Variants in MVP observed in about 807,000 individuals in gnomAD.
MVP encodes lung resistance-related protein.
MVP carries 62 observed loss-of-function variants against 83.5 expected under a neutral mutation model. That is an observed-to-expected ratio of 0.74 (90% confidence interval 0.61 to 0.92). MVP has a LOEUF of 0.92. Among genes scored for constraint, MVP ranks in the 40% least tolerant of loss-of-function variants. The probability of loss-of-function intolerance (pLI) is 0.00; values close to 1 mark genes in which losing one functional copy is unlikely to be tolerated. For missense variants in MVP, 1,000 were observed against 1,203.4 expected (o/e 0.83, Z 2.50); for synonymous variants, 505 against 504.1 (o/e 1.00, Z -0.02).
intron 10 of MVP, among the ~76,000 whole-genome samples, chr16:29,843,547 AGGGAGGGAGGG>A (rs2067553084): frequency 9.5e-4 from 8 of 8,446 alleles, no homozygotes; most frequent in Admixed American, 5.9e-3. Context: ...GAAGGGAGGA[AGGGAGGGAGGG>A]AGGGAGGGAG....
Position 29,847,293 on chromosome 16 carries a change from G to C in MVP, c.2362G>C (p.Ala788Pro). 6.2e-7 allele frequency: 1 copy of C among 1,613,030 alleles called. No homozygotes were observed. Among genetic ancestry groups the C allele is most frequent in the Middle Eastern group, 1.7e-4 (1 of 6,052 alleles). The change falls in exon 14 of 15, where the codon GCT (alanine) becomes CCT (proline). Residue 788 changes from alanine (A) to proline (P), a missense_variant. By Grantham distance (27) the Ala-to-Pro change is conservative. Transcript: ENST00000357402. Reference protein sequence around the residue: ...ELEVSKAQQLAEVEVKKFKQM... With the variant: ...ELEVSKAQQLPEVEVKKFKQM... ...GGAGGTGAGCAAGGCTCAGCAGCTGGCTGAGGTGGAGGTGAAGAAGTTCAA... is the reference window on the plus strand; with the variant it reads ...GGAGGTGAGCAAGGCTCAGCAGCTGCCTGAGGTGGAGGTGAAGAAGTTCAA...
At position 29,826,694 on chromosome 16, in the gene MVP, G is replaced by A. The variant is rs568271003; in HGVS notation, c.-35-3821G>A. Among the ~76,000 whole-genome samples the A allele has an allele frequency of 2.3e-3, 350 of 151,466 alleles. 4 individuals carry two copies. Among genetic ancestry groups the A allele is most frequent in the Non-Finnish European group, 5.7e-4 (39 of 67,862 alleles). The stretch of plus-strand genomic sequence containing the variant: ...TCCTAGCACTTTGGGAGGCCGAGGC[G>A]GGTGGATCACAAGGTCAAGAGATCA... On this transcript the variant is annotated intron_variant, in intron 1 of 14. Coordinates refer to ENST00000357402, the MANE Select transcript of MVP (RefSeq NM_005115.5).
chr16:29,832,470 T>G (rs1259325578), intron 3 of MVP, among the ~76,000 whole-genome samples: 2 of 151,308 alleles, frequency 1.3e-5, no homozygotes, highest in Non-Finnish European at 1.5e-5. Flanking sequence ...GCTAACTTTT[T>G]GTGTTTTTAG....
At chr16:29,838,308 C>T (rs969080158) in intron 7 of MVP, among the ~76,000 whole-genome samples, 1 of 151,898 alleles carries the variant, frequency 6.6e-6, no homozygotes, top group African/African-American at 2.4e-5. Flanking sequence ...TGGTGTCAGG[C>T]ACCTGTAATC....
intron 1 of MVP, among the ~76,000 whole-genome samples, chr16:29,827,750 CA>C (rs1252197352): frequency 1.3e-5 from 2 of 151,424 alleles, no homozygotes; most frequent in South Asian, 4.2e-4. Flanking sequence ...CTTGTCTCTG[CA>C]AAAAAAATGA....
intron 1 of MVP, among the ~76,000 whole-genome samples, chr16:29,828,380 T>G (rs779475928): frequency 2.6e-5 from 4 of 152,006 alleles, no homozygotes; most frequent in Non-Finnish European, 4.4e-5. Flanking sequence ...GTAAAAGGGT[T>G]TTTTTGGTTT....
chr16:29,840,418 G>A lies in MVP; in HGVS notation c.1150G>A (p.Glu384Lys), dbSNP rs369258031. 1.8e-5 allele frequency: 29 copies of A among 1,581,782 alleles called. No homozygotes were observed. The highest frequency in any genetic ancestry group is 1.0e-4 in the South Asian group (9 of 86,806). Residue 384 changes from glutamate to lysine, a missense_variant, in exon 8 of 15, where the codon GAG becomes AAG. Physicochemically the swap from Glu to Lys is moderately conservative, Grantham distance 56 (BLOSUM62 1). Coordinates refer to ENST00000357402, the MANE Select transcript of MVP (RefSeq NM_005115.5). ...VEERQAIPLDENEGIYVQDVK... is the reference protein window; with the variant it reads ...VEERQAIPLDKNEGIYVQDVK... ...GGAGCGCCAGGCCATCCCTCTAGAC[G>A]AGAACGAGGGCATCTATGTGCAGGA...
In MVP at chr16:29,841,845, G is replaced by A; in HGVS notation, c.1436+5G>A. The A allele has an allele frequency of 6.2e-7, 1 of 1,609,220 alleles. No individual in the cohort carries two copies. The highest frequency in any genetic ancestry group is 8.5e-7 in the Non-Finnish European group (1 of 1,179,826). ...CTACCGAGAGAAGCGAGCCCGGTGA[G>A]TGCTGGCAGCGCAGGGTGTAGGGGG... On this transcript the variant is annotated splice_donor_5th_base_variant and intron_variant, in intron 9 of 14. Coordinates refer to ENST00000357402, the MANE Select transcript of MVP (RefSeq NM_005115.5). The surrounding 1 kb of genome is among the most constrained non-coding windows in gnomAD (Gnocchi z 4.7).
chr16:29,821,336 G>A (rs528844233), intron 1 of MVP: 2 of 152,370 alleles, frequency 1.3e-5, no homozygotes, highest in East Asian at 1.9e-4. Flanking sequence ...GCACTGGGTC[G>A]GCCCTCGGGT....
intron 1 of MVP, among the ~76,000 whole-genome samples, chr16:29,823,466 G>A (rs1386538610): frequency 1.3e-5 from 2 of 152,016 alleles, no homozygotes; most frequent in African/African-American, 2.4e-5. Context: ...GGAGAGGAAG[G>A]CTCAGAGGCT....
Position 29,841,949 on chromosome 16 carries a change from C to T in MVP, c.1471C>T (p.Pro491Ser), listed in dbSNP as rs775904535. 1 of 1,612,898 alleles carries T rather than the reference C, an allele frequency of 6.2e-7. No homozygotes were observed. The highest frequency in any genetic ancestry group is 8.5e-7 in the Non-Finnish European group (1 of 1,180,022). ...CGGGCCTGAGCTGGTGTCGCTGGGT[C>T]CTGAGGAGCAGTTCACAGTGTTGTC... ...VFGPELVSLG[P>S]EEQFTVLSLS... The change falls in exon 10 of 15, where the codon CCT (proline) becomes TCT (serine). Residue 491 changes from proline (P) to serine (S), a missense_variant. By Grantham distance (74) the Pro-to-Ser change is moderately conservative (BLOSUM62 -1). Coordinates refer to ENST00000357402, the MANE Select transcript of MVP (RefSeq NM_005115.5). This position sits in a 1 kb window ranked among gnomAD's most constrained non-coding sequence, Gnocchi z 4.7.
chr16:29,830,725 T>C, intron 2 of MVP, 51 bp downstream of exon 2: 1 of 1,604,240 alleles, frequency 6.2e-7, no homozygotes, highest in Non-Finnish European at 8.5e-7. Context: ...TGGGGGCCTG[T>C]TTGGCTGGCA....
rs1382466970 is a variant in MVP, at chr16:29,841,863, G to GTA, written c.1436+24_1436+25dup. ...CCGGTGAGTGCTGGCAGCGCAGGGTGTAGGGGGTGGCTCTCCATGGGTCTG... is the reference window on the plus strand; with the variant it reads ...CCGGTGAGTGCTGGCAGCGCAGGGTGTATAGGGGGTGGCTCTCCATGGGTCTG... On this transcript the variant is annotated intron_variant, in intron 9 of 14. Transcript: ENST00000357402. The surrounding 1 kb of genome is among the most constrained non-coding windows in gnomAD (Gnocchi z 4.7). The GTA allele has an allele frequency of 6.2e-7, 1 of 1,609,178 alleles. No homozygotes were observed. Among genetic ancestry groups the GTA allele is most frequent in the Non-Finnish European group, 8.5e-7 (1 of 1,179,896 alleles).
chr16:29,836,574 AT>A, intron 6 of MVP, 147 bp from the exon 7 acceptor site: 1 of 672,466 alleles, frequency 1.5e-6, no homozygotes. Flanking sequence ...AGAGACTCCG[AT>A]TTAAAAAAAA....
intron 5 of MVP, chr16:29,835,102 G>A (rs1399587941): frequency 6.6e-6 from 1 of 152,152 alleles, no homozygotes; most frequent in Non-Finnish European, 1.5e-5. Flanking sequence ...CCTGCATCCA[G>A]GCACTCTGGC....
Position 29,845,898 on chromosome 16 carries a change from G to A in MVP, c.2057G>A (p.Gly686Asp). 1.2e-6 allele frequency: 2 copies of A among 1,614,082 alleles called. No homozygotes were observed. The highest frequency in any genetic ancestry group is 1.7e-6 in the Non-Finnish European group (2 of 1,179,972). Residue 686 changes from glycine (G) to aspartate (D), a missense_variant, in exon 12 of 15, where the codon GGC (glycine) becomes GAC (aspartate). Transcript: ENST00000357402. ...CAGAGACTGGAGCAGGAAGCCCGCGGCCGGCTTGAGCGGCAGAAGATCCTG... is the reference window on the plus strand; with the variant it reads ...CAGAGACTGGAGCAGGAAGCCCGCGACCGGCTTGAGCGGCAGAAGATCCTG... ...EAQRLEQEARGRLERQKILDQ... is the reference protein window; with the variant it reads ...EAQRLEQEARDRLERQKILDQ...
chr16:29,830,432 C>T lies in MVP; in HGVS notation c.-35-83C>T, dbSNP rs555004362. The T allele has an allele frequency of 5.5e-5, 69 of 1,249,428 alleles. No individual in the cohort carries two copies. The South Asian group carries it at 8.8e-4, about 16-fold the overall frequency. The allele number at this position is 1,249,428 out of a possible 1,614,324, so 77.4% of individuals were successfully genotyped here. A position where few individuals can be genotyped will look rare whatever the true frequency, so the allele number is the denominator to read the frequency against. On this transcript the variant is annotated intron_variant, in intron 1 of 14. Coordinates refer to ENST00000357402, the MANE Select transcript of MVP (RefSeq NM_005115.5). ...GGCTGGAGGAGGTAGGGCCGTATCC[C>T]ACCCAGAGTCTGTCACCAGATTCAT...
At position 29,846,159 on chromosome 16, in the gene MVP, A is replaced by G. The variant is rs760571956; in HGVS notation, c.2140A>G (p.Met714Val). ...TACCTGACTCTGCCTTCTCCCCAGCATGGCCGTGGAGAGCACCGGGACTGC... is the reference window on the plus strand; with the variant it reads ...TACCTGACTCTGCCTTCTCCCCAGCGTGGCCGTGGAGAGCACCGGGACTGC... ...KELLELEALS[M>V]AVESTGTAKA... The change falls in exon 13 of 15, where the codon ATG (methionine) becomes GTG (valine). Residue 714 changes from methionine to valine, a missense_variant and splice_region_variant. Coordinates refer to ENST00000357402, the MANE Select transcript of MVP (RefSeq NM_005115.5). 6.8e-6 allele frequency: 11 copies of G among 1,610,118 alleles called. No individual in the cohort carries two copies. The highest frequency in any genetic ancestry group is 8.5e-6 in the Non-Finnish European group (10 of 1,178,124).
chr16:29,830,624 G>A lies in MVP; in HGVS notation c.75G>A (p.Val25=), dbSNP rs755907502. ...ATGTGCTGGACCAGAACAGCAACGT[G>A]TCCCGTGTGGAGGTCGGGCCAAAGA... is the stretch of plus-strand genomic sequence containing the variant. ...YIHVLDQNSN[V]SRVEVGPKTY... Residue 25 remains valine (V), a synonymous_variant, in exon 2 of 15, where the codon GTG becomes GTA. Transcript: ENST00000357402. The A allele has an allele frequency of 3.1e-6, 5 of 1,613,942 alleles. No homozygotes were observed. The highest frequency in any genetic ancestry group is 4.2e-6 in the Non-Finnish European group (5 of 1,180,012).
Sources: gnomAD v4.1 joint callset for allele counts (sites outside exome capture counted in the v4.1 genomes callset) on GRCh38, gnomAD v4.1.1 for gene constraint, Gnocchi (gnomAD v3.1) non-coding constraint, MANE v1.5 for transcripts, NCBI Gene and HGNC (gene_info 2026-07-23, HGNC 2026-07-21) for gene names.